The following ESPNL variants were observed in gnomAD, a reference collection of about 807,000 sequenced individuals.
The protein encoded by ESPNL is espin-like protein.
A neutral mutation model predicts 46.8 loss-of-function variants in ESPNL; 49 were observed. That is an observed-to-expected ratio of 1.05 (90% CI 0.83 to 1.33). The LOEUF is 1.33. ESPNL is among the 40% of genes most tolerant of loss of function. ESPNL has a pLI of 0.00. For missense variants in ESPNL, 1,540 were observed against 1,436.6 expected (o/e 1.07, Z -1.16); for synonymous variants, 664 against 662.1 (o/e 1.00, Z -0.04).
Position 238,130,129 on chromosome 2 carries a change from A to T in ESPNL, c.1415A>T (p.Asp472Val). Reference sequence around the variant, plus strand: ...TCACCCTGCCCTTCCTGTGCCCAGGACAATGGTGGGAGCTCAGGCCCCACG... The same window carrying T: ...TCACCCTGCCCTTCCTGTGCCCAGGTCAATGGTGGGAGCTCAGGCCCCACG... ...LGAESSAEAQ[D>V]NGGSSGPTEQ... Residue 472 changes from aspartate to valine, a missense_variant and splice_region_variant, in exon 9 of 9, where the codon GAC becomes GTC. Asp to Val is a radical substitution (Grantham distance 152, BLOSUM62 -3). Coordinates refer to ENST00000343063, the MANE Select transcript of ESPNL (RefSeq NM_194312.4). 2 of 1,608,726 alleles carry T rather than the reference A, an allele frequency of 1.2e-6. No homozygotes were observed. The highest frequency in any genetic ancestry group is 1.7e-6 in the Non-Finnish European group (2 of 1,177,050).
chr2:238,129,203 T>C, intron 8 of ESPNL: 1 of 1,312,040 alleles, frequency 7.6e-7, no homozygotes. Context: ...GCGCAGCGTC[T>C]AGCAGGGAAG....
At chr2:238,106,653 A>T (rs1335327714) in intron 3 of ESPNL, among the ~76,000 whole-genome samples, 3 of 152,096 alleles carry the variant, frequency 2.0e-5, no homozygotes, top group Admixed American at 2.0e-4. Context: ...CTCCCAAACT[A>T]TGCCTGGCTC....
In ESPNL at chr2:238,124,793, G is replaced by A. The variant is rs138840593; in HGVS notation, c.988-477G>A. ...TGCGTGTGTGCAGGAGAGTACGTGC[G>A]TGTGTGTGCAGGAGAGTGTACGTGC... On this transcript the variant is annotated intron_variant, in intron 5 of 8. Transcript: ENST00000343063. Among the ~76,000 whole-genome samples the A allele has an allele frequency of 9.3e-5, 14 of 150,618 alleles. No homozygotes were observed. In the East Asian group the frequency reaches 1.2e-3, roughly 13 times the overall value.
At chr2:238,103,368 G>T (rs1035901376) in intron 2 of ESPNL, among the ~76,000 whole-genome samples, 2 of 152,198 alleles carry the variant, frequency 1.3e-5, no homozygotes, top group African/African-American at 4.8e-5. Flanking sequence ...GGCGGAGGTT[G>T]CAGTAAGCTG....
At chr2:238,126,274 T>C (rs1453925357) in intron 6 of ESPNL, among the ~76,000 whole-genome samples, 1 of 151,574 alleles carries the variant, frequency 6.6e-6, no homozygotes, top group Admixed American at 6.6e-5. Flanking sequence ...TGTACATCTG[T>C]GTATTGTGTT....
rs368522053 is a variant in ESPNL at position 238,104,756 on chromosome 2, G to A, written c.586G>A (p.Ala196Thr). 217 of 1,605,640 alleles carry A rather than the reference G, an allele frequency of 1.4e-4. No homozygotes were observed. The highest frequency in any genetic ancestry group is 5.1e-5 in the Non-Finnish European group (60 of 1,177,596). The change falls in exon 3 of 9, where the codon GCT (alanine) becomes ACT (threonine). Residue 196 changes from alanine (A) to threonine (T), a missense_variant. Transcript: ENST00000343063. ...LAQFLVKDCG[A>T]DVHLRALDGM... Reference sequence around the variant, plus strand: ...CCAGTTCCTGGTGAAGGACTGTGGCGCTGACGTGCACCTTCGTGCTCTCGA... The same window carrying A: ...CCAGTTCCTGGTGAAGGACTGTGGCACTGACGTGCACCTTCGTGCTCTCGA...
At chr2:238,110,886 T>C (rs115277829) in intron 4 of ESPNL, among the ~76,000 whole-genome samples, 281 of 152,018 alleles carry the variant, frequency 1.8e-3, no homozygotes, top group Middle Eastern at 6.8e-3. Context: ...TCCAGCAGCC[T>C]CTAAAGAGGA....
chr2:238,102,644 C>T (rs1691510589), intron 2 of ESPNL, among the ~76,000 whole-genome samples: 1 of 152,134 alleles, frequency 6.6e-6, no homozygotes, highest in African/African-American at 2.4e-5. Context: ...CCCTGTGCCC[C>T]CTGCTGGAAT....
intron 3 of ESPNL, among the ~76,000 whole-genome samples, chr2:238,105,372 G>A (rs993249349): frequency 6.6e-6 from 1 of 152,086 alleles, no homozygotes; most frequent in Non-Finnish European, 1.5e-5. Flanking sequence ...CAACAGAAAA[G>A]CAGAGCAGGT....
intron 3 of ESPNL, 53 bp downstream of exon 3, chr2:238,104,895 A>T (rs375707597): frequency 1.2e-5 from 16 of 1,374,522 alleles, no homozygotes; most frequent in East Asian, 5.7e-5. Context: ...TGGGCCCTCC[A>T]GCAAGCAGAG....
chr2:238,126,925 GTGTC>G (rs1024929304), intron 6 of ESPNL, among the ~76,000 whole-genome samples: 12 of 110,938 alleles, frequency 1.1e-4, no homozygotes, highest in Admixed American at 1.8e-4. Flanking sequence ...TCGTGTCTGT[GTGTC>G]TGTGATTGTG....
chr2:238,125,767 TTGGAGTGGAGTGGAG>T (rs370332974), intron 6 of ESPNL, among the ~76,000 whole-genome samples: 7 of 146,274 alleles, frequency 4.8e-5, no homozygotes, highest in South Asian at 2.3e-4. Flanking sequence ...TGTGACCAGC[TTGGAGTGGAGTGGAG>T]TGGAGTGGAG....
At position 238,130,487 on chromosome 2, in the gene ESPNL, C is replaced by G; in HGVS notation, c.1773C>G (p.Phe591Leu). The G allele has an allele frequency of 6.3e-7, 1 of 1,598,568 alleles. No individual in the cohort carries two copies. The highest frequency in any genetic ancestry group is 8.5e-7 in the Non-Finnish European group (1 of 1,172,646). Residue 591 changes from phenylalanine to leucine, a missense_variant, in exon 9 of 9, where the codon TTC becomes TTG. Coordinates refer to ENST00000343063, the MANE Select transcript of ESPNL (RefSeq NM_194312.4). Reference sequence around the variant, plus strand: ...CCCCCGGGGTGCAGCCCCTGCCCTTCTGGTGCAGCCACATCTCCCGCCTGG... The same window carrying G: ...CCCCCGGGGTGCAGCCCCTGCCCTTGTGGTGCAGCCACATCTCCCGCCTGG... ...EVAPGVQPLP[F>L]WCSHISRLVR...
intron 6 of ESPNL, among the ~76,000 whole-genome samples, chr2:238,126,599 CTG>C (rs1180236262): frequency 7.1e-6 from 1 of 141,280 alleles, no homozygotes; most frequent in Non-Finnish European, 1.5e-5. Context: ...CTGTGTGTAT[CTG>C]TGTGTGATTG....
chr2:238,116,734 C>T (rs1453438439), intron 4 of ESPNL, among the ~76,000 whole-genome samples, 169 bp from the exon 5 acceptor site: 1 of 152,034 alleles, frequency 6.6e-6, no homozygotes, highest in Non-Finnish European at 1.5e-5. Flanking sequence ...CTCGGGGGCT[C>T]CTAGGCAGGT....
intron 4 of ESPNL, among the ~76,000 whole-genome samples, chr2:238,116,661 G>A (rs1691820649): frequency 6.6e-6 from 1 of 152,364 alleles, no homozygotes; most frequent in South Asian, 2.1e-4. Flanking sequence ...TGTCAGCTCA[G>A]CACTGCTTCA....
intron 2 of ESPNL, 90 bp from the exon 3 acceptor site, chr2:238,104,566 G>A: frequency 7.4e-7 from 1 of 1,356,294 alleles, no homozygotes; most frequent in Non-Finnish European, 9.8e-7. Flanking sequence ...TCACGGGCAG[G>A]GCCAGGGGGC....
In ESPNL at chr2:238,128,696, C is replaced by G. The variant is rs1384030414; in HGVS notation, c.1216-11C>G. On this transcript the variant is annotated splice_polypyrimidine_tract_variant and intron_variant, in intron 7 of 8. Coordinates refer to ENST00000343063, the MANE Select transcript of ESPNL (RefSeq NM_194312.4). ...CCTTCGGGCCTGTGTGACCCACCCC[C>G]TTCTGCACAGGGGACAGAGACGGCG... 1 of 1,591,650 alleles carries G rather than the reference C, an allele frequency of 6.3e-7. No homozygotes were observed.
intron 4 of ESPNL, 32 bp from the exon 5 acceptor site, chr2:238,116,871 G>A (rs750351010): frequency 6.2e-7 from 1 of 1,607,918 alleles, no homozygotes; most frequent in Non-Finnish European, 8.5e-7. Flanking sequence ...TTTGTGTCGT[G>A]GTGGGTCACA....
Sources: allele counts gnomAD v4.1 joint callset (sites outside exome capture counted in the v4.1 genomes callset), GRCh38; gene constraint gnomAD v4.1.1; transcripts MANE v1.5; gene names NCBI Gene and HGNC (gene_info 2026-07-23, HGNC 2026-07-21).